Variants in IMMP1L observed in about 807,000 individuals in gnomAD.
IMMP1L encodes the protein inner mitochondrial membrane peptidase subunit 1.
In IMMP1L, 24 loss-of-function variants were observed where a neutral mutation model predicts 21.8. That is an observed-to-expected ratio of 1.10 (90% CI 0.80 to 1.55). IMMP1L has a LOEUF of 1.55. Among genes scored for constraint, IMMP1L ranks in the 40% most tolerant of loss-of-function variants. The pLI is 0.00. For synonymous variants in IMMP1L, 46 were observed against 62.8 expected, an observed-to-expected ratio of 0.73 and a Z score of 1.26; for missense variants, 195 against 200.7, an observed-to-expected ratio of 0.97 and a Z score of 0.17.
intron 4 of IMMP1L, among the ~76,000 whole-genome samples, chr11:31,449,248 C>CT (rs537638638): frequency 5.3e-5 from 8 of 152,110 alleles, no homozygotes; most frequent in Non-Finnish European, 1.2e-4. Flanking sequence ...CAGAGAAGTA[C>CT]TTTTTTCTGT....
intron 1 of IMMP1L, among the ~76,000 whole-genome samples, chr11:31,472,434 C>T (rs2133712589): frequency 6.6e-6 from 1 of 152,328 alleles, no homozygotes; most frequent in South Asian, 2.1e-4. Context: ...GCTCTAAACT[C>T]TTGGTGACCA....
intron 1 of IMMP1L, among the ~76,000 whole-genome samples, chr11:31,482,372 C>T (rs1184614863): frequency 3.9e-5 from 6 of 151,974 alleles, no homozygotes; most frequent in Non-Finnish European, 8.8e-5. Context: ...ACTTTAAAGA[C>T]TTAAACTTCT....
At chr11:31,440,982 T>C (rs1953306740) in intron 4 of IMMP1L, among the ~76,000 whole-genome samples, 1 of 152,198 alleles carries the variant, frequency 6.6e-6, no homozygotes. Context: ...ATCTTTCTTT[T>C]ATATATTAGT....
chr11:31,470,430 A>C (rs1392047166), intron 1 of IMMP1L, among the ~76,000 whole-genome samples: 2 of 151,954 alleles, frequency 1.3e-5, no homozygotes, highest in African/African-American at 2.4e-5. Flanking sequence ...CAAAAAACAA[A>C]AAACAAAAAA....
intron 1 of IMMP1L, among the ~76,000 whole-genome samples, chr11:31,486,490 A>G (rs1395357230): frequency 6.6e-6 from 1 of 151,962 alleles, no homozygotes; most frequent in South Asian, 2.1e-4. Flanking sequence ...ATCTCAAACT[A>G]TATGTCACTT....
At chr11:31,469,449 AAATAT>A (rs1450128864) in intron 1 of IMMP1L, among the ~76,000 whole-genome samples, 2 of 152,212 alleles carry the variant, frequency 1.3e-5, no homozygotes, top group Non-Finnish European at 2.9e-5. Context: ...CTACAAAATA[AAATAT>A]AACTAAAATT....
intron 1 of IMMP1L, among the ~76,000 whole-genome samples, chr11:31,498,082 T>A (rs554903269): frequency 3.4e-4 from 51 of 152,170 alleles, no homozygotes; most frequent in Non-Finnish European, 6.2e-4. Flanking sequence ...GTGAGTTGAT[T>A]TAGGAAATGT....
At chr11:31,487,233 C>T (rs1955111410) in intron 1 of IMMP1L, among the ~76,000 whole-genome samples, 1 of 151,792 alleles carries the variant, frequency 6.6e-6, no homozygotes, top group Non-Finnish European at 1.5e-5. Flanking sequence ...GTTACTATGC[C>T]TAATTCTCCA....
chr11:31,478,682 G>A (rs1451498797), intron 1 of IMMP1L, among the ~76,000 whole-genome samples: 1 of 152,062 alleles, frequency 6.6e-6, no homozygotes, highest in Non-Finnish European at 1.5e-5. Context: ...TCGAAATTTA[G>A]AAAATGTGAA....
chr11:31,466,724 G>A (rs1427648946), intron 1 of IMMP1L, among the ~76,000 whole-genome samples: 5 of 152,072 alleles, frequency 3.3e-5, no homozygotes, highest in Admixed American at 6.6e-5. Flanking sequence ...GCCTATGGAA[G>A]TATAGTGTAG....
At chr11:31,472,804 T>G (rs894717255) in intron 1 of IMMP1L, among the ~76,000 whole-genome samples, 2 of 152,180 alleles carry the variant, frequency 1.3e-5, no homozygotes, top group African/African-American at 2.4e-5. Flanking sequence ...TTACATATAT[T>G]AACTCATTTA....
intron 1 of IMMP1L, among the ~76,000 whole-genome samples, chr11:31,496,437 T>C (rs903888233): frequency 2.6e-5 from 4 of 152,112 alleles, no homozygotes; most frequent in African/African-American, 7.2e-5. Context: ...AAGTTAATCA[T>C]AGAATTTTCA....
chr11:31,467,572 A>C (rs1954399274), intron 1 of IMMP1L, among the ~76,000 whole-genome samples: 1 of 152,158 alleles, frequency 6.6e-6, no homozygotes, highest in South Asian at 2.1e-4. Context: ...TAACACATTA[A>C]ATTAAAAATG....
chr11:31,441,862 A>G (rs928369838), intron 4 of IMMP1L, among the ~76,000 whole-genome samples: 1 of 152,156 alleles, frequency 6.6e-6, no homozygotes, highest in African/African-American at 2.4e-5. Context: ...TTTATAGTAA[A>G]TGTTTTACAA....
intron 1 of IMMP1L, among the ~76,000 whole-genome samples, chr11:31,481,155 T>C (rs1954880733): frequency 6.6e-6 from 1 of 152,128 alleles, no homozygotes; most frequent in South Asian, 2.1e-4. Flanking sequence ...CTGGTTTCTG[T>C]TCAGCAGATG....
chr11:31,433,656 G>T, intron 4 of IMMP1L, 86 bp from the exon 5 acceptor site: 1 of 751,526 alleles, frequency 1.3e-6, no homozygotes, highest in Admixed American at 2.2e-5. Context: ...CAGAGGTAGG[G>T]AGAAATGTCC....
chr11:31,479,509 A>T lies in IMMP1L; in HGVS notation c.-29-16204T>A, dbSNP rs1014648678. Among the ~76,000 whole-genome samples the T allele has an allele frequency of 7.2e-5, 11 of 152,028 alleles. No homozygotes were observed. The South Asian group carries it at 8.3e-4, about 11-fold the overall frequency. On this transcript the variant is annotated intron_variant, in intron 1 of 5. Transcript: ENST00000532287. The stretch of plus-strand genomic sequence containing the variant: ...AATGTAAAAAGTACATATTTTTGTT[A>T]TGATATTTTGTTAAAACTGTGTAAT...
chr11:31,460,925 TG>T (rs1374560243), intron 2 of IMMP1L, among the ~76,000 whole-genome samples: 3 of 152,276 alleles, frequency 2.0e-5, no homozygotes, highest in Non-Finnish European at 2.9e-5. Context: ...AATGGATTAT[TG>T]CTTTCACATT....
At chr11:31,456,426 TA>T in intron 3 of IMMP1L, 40 bp from the exon 4 acceptor site, 1 of 1,574,424 alleles carries the variant, frequency 6.4e-7, no homozygotes, top group Non-Finnish European at 8.7e-7. Flanking sequence ...TATTATTTAT[TA>T]AGCAAAAACA....
Sources: allele counts gnomAD v4.1 joint callset (sites outside exome capture counted in the v4.1 genomes callset), GRCh38; gene constraint gnomAD v4.1.1; transcripts MANE v1.5; gene names NCBI Gene and HGNC (gene_info 2026-07-23, HGNC 2026-07-21).